PDE1A: variants seen among roughly 807,000 people sequenced by gnomAD.
PDE1A encodes the protein dual specificity calcium/calmodulin-dependent 3',5'-cyclic nucleotide phosphodiesterase 1A.
Under a neutral mutation model 61.7 loss-of-function variants are expected in PDE1A, and 35 were observed. The ratio of observed to expected loss-of-function variants is 0.57; its 90% CI spans 0.43 to 0.75. The LOEUF (loss-of-function observed/expected upper bound fraction) is 0.75. Among genes scored for constraint, PDE1A ranks in the 30% least tolerant of loss-of-function variants. The pLI, the probability that PDE1A is intolerant of heterozygous loss-of-function variation, is 0.00. For synonymous variants in PDE1A, 232 were observed against 213.2 expected (o/e 1.09, Z -0.77); for missense variants, 597 against 630.6 (o/e 0.95, Z 0.57).
intron 1 of PDE1A, among the ~76,000 whole-genome samples, chr2:182,339,165 T>A (rs1698024569): frequency 6.6e-6 from 1 of 152,034 alleles, no homozygotes; most frequent in South Asian, 2.1e-4. Context: ...TTACTAGGAG[T>A]CCTTTAGTAG....
At chr2:182,471,149 T>C (rs1440330638) in intron 2 of PDE1A, among the ~76,000 whole-genome samples, 2 of 151,816 alleles carry the variant, frequency 1.3e-5, no homozygotes, top group Non-Finnish European at 2.9e-5. Context: ...AAATATTATC[T>C]AAAGCCATCA....
the PDE1A span, among the ~76,000 whole-genome samples, chr2:182,704,569 A>T: frequency 1.6e-4 from 25 of 152,352 alleles, no homozygotes; most frequent in African/African-American, 5.8e-4. Context: ...TTACCATATT[A>T]GAAATTAAAA....
intron 13 of PDE1A, among the ~76,000 whole-genome samples, chr2:182,174,851 C>G (rs1416040955): frequency 3.3e-5 from 5 of 151,976 alleles, no homozygotes; most frequent in African/African-American, 7.2e-5. Context: ...CCCATCAACC[C>G]GTCATCTACA....
the PDE1A span, among the ~76,000 whole-genome samples, chr2:182,632,542 C>T: frequency 6.6e-6 from 1 of 152,042 alleles, no homozygotes; most frequent in Non-Finnish European, 1.5e-5. Flanking sequence ...CTATTAGATA[C>T]TGCAAGAAGA....
At chr2:182,417,700 GC>G (rs1442125556) in intron 1 of PDE1A, among the ~76,000 whole-genome samples, 2 of 151,938 alleles carry the variant, frequency 1.3e-5, no homozygotes, top group Non-Finnish European at 2.9e-5. Flanking sequence ...AAATTATTTT[GC>G]CTTTCCATTC....
At chr2:182,513,212 G>A (rs1446065045) in intron 2 of PDE1A, among the ~76,000 whole-genome samples, 2 of 152,130 alleles carry the variant, frequency 1.3e-5, no homozygotes, top group African/African-American at 4.8e-5. Context: ...AGGGCAGGCT[G>A]CCTACAGAGA....
At chr2:182,679,326 G>A in the PDE1A span, among the ~76,000 whole-genome samples, 1 of 150,604 alleles carries the variant, frequency 6.6e-6, no homozygotes, top group Non-Finnish European at 1.5e-5. Flanking sequence ...TGGGACTACA[G>A]GCGCCCGCCA....
At chr2:182,220,728 C>A (rs189750803) in intron 7 of PDE1A, among the ~76,000 whole-genome samples, 1 of 152,026 alleles carries the variant, frequency 6.6e-6, no homozygotes, top group Non-Finnish European at 1.5e-5. Context: ...TGTTCCAAAT[C>A]GCATTTTAGC....
chr2:182,183,273 A>T (rs982247305), intron 13 of PDE1A, among the ~76,000 whole-genome samples: 2 of 152,216 alleles, frequency 1.3e-5, no homozygotes, highest in African/African-American at 4.8e-5. Context: ...AATAAAAACA[A>T]CTATTCAATG....
chr2:182,166,626 C>A (rs1162077072), downstream of PDE1A, among the ~76,000 whole-genome samples: 1 of 152,158 alleles, frequency 6.6e-6, no homozygotes, highest in East Asian at 1.9e-4. Flanking sequence ...GATGGCCCAT[C>A]ATGGGACTTT....
chr2:182,218,145 C>A (rs1282073158), intron 7 of PDE1A, among the ~76,000 whole-genome samples: 1 of 150,396 alleles, frequency 6.6e-6, no homozygotes, highest in Non-Finnish European at 1.5e-5. Flanking sequence ...TGGAAAACAT[C>A]ATTCTCAGTA....
chr2:182,676,147 G>A, the PDE1A span, among the ~76,000 whole-genome samples: 1 of 151,996 alleles, frequency 6.6e-6, no homozygotes, highest in Non-Finnish European at 1.5e-5. Flanking sequence ...AATGAATCCA[G>A]GAGTTGGCTT....
intron 1 of PDE1A, among the ~76,000 whole-genome samples, chr2:182,390,789 G>C (rs956482066): frequency 2.6e-5 from 4 of 152,172 alleles, no homozygotes; most frequent in Non-Finnish European, 4.4e-5. Context: ...ACCCTGATGA[G>C]GCTGGAGCCA....
chr2:182,598,489 T>C, the PDE1A span, among the ~76,000 whole-genome samples: 3 of 151,912 alleles, frequency 2.0e-5, no homozygotes, highest in Non-Finnish European at 4.4e-5. Flanking sequence ...TGAGAATCAC[T>C]TGAATCTGGG....
intron 13 of PDE1A, among the ~76,000 whole-genome samples, chr2:182,181,703 A>G (rs1244812899): frequency 6.6e-6 from 1 of 152,180 alleles, no homozygotes; most frequent in African/African-American, 2.4e-5. Flanking sequence ...GCTCTGTCCC[A>G]GGGAGTTGAG....
chr2:182,197,114 T>A (rs1686195300), intron 10 of PDE1A, among the ~76,000 whole-genome samples: 2 of 151,892 alleles, frequency 1.3e-5, no homozygotes, highest in Non-Finnish European at 1.5e-5. Flanking sequence ...TTAATTTTAG[T>A]CATTCTCATG....
At position 182,309,951 on chromosome 2, in the gene PDE1A, T is replaced by TA. The variant is rs548641139; in HGVS notation, c.54-45538dup. On this transcript the variant is annotated intron_variant, in intron 1 of 13. Coordinates refer to ENST00000351439, the Ensembl canonical transcript of PDE1A. ...GAGAGAGGAGAGAATGCCAATGCAA[T>TA]AAAAAACATCAAATTGGTTTTAGAA... Among the ~76,000 whole-genome samples the TA allele has an allele frequency of 1.8e-4, 28 of 152,086 alleles. 1 individual carries two copies. The South Asian group carries it at 5.2e-3, about 28-fold the overall frequency.
the PDE1A span, among the ~76,000 whole-genome samples, chr2:182,690,232 T>G: frequency 4.6e-5 from 7 of 151,842 alleles, no homozygotes; most frequent in African/African-American, 1.2e-4. Flanking sequence ...AACAAAAAAA[T>G]AAAATTTTAG....
the PDE1A span, among the ~76,000 whole-genome samples, chr2:182,569,310 T>C: frequency 1.3e-5 from 2 of 151,004 alleles, no homozygotes; most frequent in Non-Finnish European, 2.9e-5. Context: ...AAGCTCATAA[T>C]TGTTTGCTGA....
Sources: gnomAD v4.1 joint callset for allele counts (sites outside exome capture counted in the v4.1 genomes callset) on GRCh38, gnomAD v4.1.1 for gene constraint, MANE v1.5 for transcripts, NCBI Gene and HGNC (gene_info 2026-07-23, HGNC 2026-07-21) for gene names.